FAM222A: variants seen among roughly 807,000 people sequenced by gnomAD.
FAM222A encodes the protein family with sequence similarity 222 member A.
A neutral mutation model predicts 25.8 loss-of-function variants in FAM222A; 7 were observed. That is an observed-to-expected ratio of 0.27 (90% CI 0.15 to 0.51). The LOEUF (loss-of-function observed/expected upper bound fraction) is 0.51, where lower values mean the gene tolerates loss of function less well. Among genes scored for constraint, FAM222A ranks in the 20% least tolerant of loss-of-function variants. FAM222A has a pLI of 0.97. For synonymous variants in FAM222A, 294 were observed against 298.8 expected, an observed-to-expected ratio of 0.98 and a Z score of 0.17; for missense variants, 573 against 640.5, an observed-to-expected ratio of 0.89 and a Z score of 1.14.
At chr12:109,740,499 G>A (rs1888210228) in intron 1 of FAM222A, among the ~76,000 whole-genome samples, 1 of 152,148 alleles carries the variant, frequency 6.6e-6, no homozygotes, top group Admixed American at 6.5e-5. Context: ...ATGAGTCCAG[G>A]CGGGGACTCT....
chr12:109,768,654 T>C lies in FAM222A; in HGVS notation c.725T>C (p.Met242Thr), dbSNP rs766634785. The C allele has an allele frequency of 3.8e-6, 6 of 1,599,794 alleles. No homozygotes were observed. In the African/African-American group the frequency reaches 4.0e-5, roughly 11 times the overall value. ...GGCCCAGTGCCCAGCTTCCCCAGCA[T>C]GGCCTACTCGGCTGCAGCCGGTCTG... ...KHGPVPSFPS[M>T]AYSAAAGLPD... The change falls in exon 3 of 3, where the codon ATG becomes ACG. Residue 242 changes from methionine (M) to threonine (T), a missense_variant. Around this residue, in one of 3 missense-constraint regions of FAM222A, gnomAD observed 412 missense variants for 407.0 expected, o/e 1.01. Coordinates refer to ENST00000538780, the MANE Select transcript of FAM222A (RefSeq NM_032829.3).
chr12:109,719,426 G>A (rs933124276), intron 1 of FAM222A, among the ~76,000 whole-genome samples: 2 of 152,186 alleles, frequency 1.3e-5, no homozygotes, highest in Non-Finnish European at 2.9e-5. Context: ...GTAAAACCAG[G>A]CTTTAGGTAA....
chr12:109,719,901 G>A (rs1005515995), intron 1 of FAM222A, among the ~76,000 whole-genome samples: 41 of 152,208 alleles, frequency 2.7e-4, no homozygotes, highest in African/African-American at 9.2e-4. Context: ...CAGAGAGCTT[G>A]GGAGTCGCAG....
At chr12:109,719,918 G>A (rs1177767759) in intron 1 of FAM222A, among the ~76,000 whole-genome samples, 1 of 152,270 alleles carries the variant, frequency 6.6e-6, no homozygotes, top group Admixed American at 6.5e-5. Flanking sequence ...GCAGACCTGG[G>A]CTGAAACCCG....
At chr12:109,766,223 C>T (rs576460849) in intron 2 of FAM222A, among the ~76,000 whole-genome samples, 42 of 152,338 alleles carry the variant, frequency 2.8e-4, no homozygotes, top group African/African-American at 9.4e-4. Flanking sequence ...CCTCATGGAA[C>T]TCCACCACCA....
Position 109,744,119 on chromosome 12 carries a change from C to T in FAM222A, c.-28C>T, listed in dbSNP as rs1888321212. On this transcript the variant is annotated 5_prime_UTR_variant, in exon 2 of 3. Coordinates refer to ENST00000538780, the MANE Select transcript of FAM222A (RefSeq NM_032829.3). ...CCTGCAGGGACCCAGTCGCAGAGCG[C>T]ACCCCACTGGGGACCCCCAGCTCAG... 3 of 1,609,410 alleles carry T rather than the reference C, an allele frequency of 1.9e-6. No homozygotes were observed. Among genetic ancestry groups the T allele is most frequent in the African/African-American group, 1.3e-5 (1 of 74,994 alleles).
At position 109,768,549 on chromosome 12, in the gene FAM222A, A is replaced by G. The variant is rs772052843; in HGVS notation, c.620A>G (p.Asn207Ser). ...ATCCACAGCCTCCTGTACCAGCTCAACCAGCAGTGCCAGGCCCCGGGCGCC... is the reference window on the plus strand; with the variant it reads ...ATCCACAGCCTCCTGTACCAGCTCAGCCAGCAGTGCCAGGCCCCGGGCGCC... ...PSIHSLLYQL[N>S]QQCQAPGAAP... Residue 207 changes from asparagine (N) to serine (S), a missense_variant, in exon 3 of 3, where the codon AAC (asparagine) becomes AGC (serine). Coordinates refer to ENST00000538780, the MANE Select transcript of FAM222A (RefSeq NM_032829.3). The G allele has an allele frequency of 1.9e-6, 3 of 1,602,868 alleles. No individual in the cohort carries two copies. Among genetic ancestry groups the G allele is most frequent in the South Asian group, 2.2e-5 (2 of 90,766 alleles).
chr12:109,762,154 C>T lies in FAM222A; in HGVS notation c.83-5858C>T, dbSNP rs78047052. Among the ~76,000 whole-genome samples the T allele has an allele frequency of 6.5e-3, 991 of 152,344 alleles. 55 individuals carry two copies. The East Asian group carries it at 0.15, about 24-fold the overall frequency. On this transcript the variant is annotated intron_variant, in intron 2 of 2. Coordinates refer to ENST00000538780, the MANE Select transcript of FAM222A (RefSeq NM_032829.3). ...CGCTGCATCTTGCCACTCATAGTCC[C>T]ATGCCCTGCTGTTCTGGTTACTGTA...
chr12:109,725,269 T>A (rs1466416774), intron 1 of FAM222A, among the ~76,000 whole-genome samples: 1 of 152,150 alleles, frequency 6.6e-6, no homozygotes, highest in Non-Finnish European at 1.5e-5. Context: ...AGGCCCTCCC[T>A]GAATCCTCAC....
chr12:109,759,279 A>ACGCC (rs1888820951), intron 2 of FAM222A, among the ~76,000 whole-genome samples: 1 of 151,998 alleles, frequency 6.6e-6, no homozygotes, highest in South Asian at 2.1e-4. Context: ...TGAAGAACAC[A>ACGCC]TGCCTCTCCC....
At chr12:109,749,034 A>G (rs576797704) in intron 2 of FAM222A, among the ~76,000 whole-genome samples, 1 of 152,236 alleles carries the variant, frequency 6.6e-6, no homozygotes, top group South Asian at 2.1e-4. Context: ...AGATATTTTA[A>G]ATTTTTAACC....
At chr12:109,727,642 T>C (rs1008284718) in intron 1 of FAM222A, among the ~76,000 whole-genome samples, 2 of 152,144 alleles carry the variant, frequency 1.3e-5, no homozygotes, top group African/African-American at 4.8e-5. Flanking sequence ...ACAGGCAACT[T>C]GCCACGCTGG....
chr12:109,762,083 T>A (rs1310883879), intron 2 of FAM222A, among the ~76,000 whole-genome samples: 2 of 152,164 alleles, frequency 1.3e-5, no homozygotes, highest in African/African-American at 4.8e-5. Context: ...AAAGCCACAT[T>A]ATCAGAGGAG....
chr12:109,745,153 T>A (rs905056804), intron 2 of FAM222A, among the ~76,000 whole-genome samples: 1 of 152,054 alleles, frequency 6.6e-6, no homozygotes, highest in African/African-American at 2.4e-5. Context: ...GCAGAGGGGG[T>A]CCATGTCGTC....
intron 2 of FAM222A, among the ~76,000 whole-genome samples, chr12:109,755,474 A>G (rs1888699261): frequency 6.6e-6 from 1 of 151,358 alleles, no homozygotes; most frequent in South Asian, 2.1e-4. Flanking sequence ...GATTGCAGGC[A>G]TGCGCCACCA....
rs1889134726 is a variant in FAM222A at position 109,768,576 on chromosome 12, C to T, written c.647C>T (p.Ala216Val). 6 of 1,601,810 alleles carry T rather than the reference C, an allele frequency of 3.7e-6. No homozygotes were observed. The highest frequency in any genetic ancestry group is 5.1e-6 in the Non-Finnish European group (6 of 1,175,988). ...CAGCAGTGCCAGGCCCCGGGCGCCG[C>T]ACCCCCTGCCTGCCAGGGCATGGCT... ...LNQQCQAPGA[A>V]PPACQGMAIP... The change falls in exon 3 of 3, where the codon GCA (alanine) becomes GTA (valine). Residue 216 changes from alanine (A) to valine (V), a missense_variant. By Grantham distance (64) the Ala-to-Val change is moderately conservative (BLOSUM62 0). This residue lies in a region of FAM222A where 412 missense variants were observed against 407.0 expected (regional missense o/e 1.01). Transcript: ENST00000538780.
At chr12:109,758,129 G>A (rs183068768) in intron 2 of FAM222A, among the ~76,000 whole-genome samples, 2 of 152,298 alleles carry the variant, frequency 1.3e-5, no homozygotes, top group Admixed American at 1.3e-4. Flanking sequence ...ATGTGTGCCC[G>A]GAGCACCTGA....
intron 1 of FAM222A, among the ~76,000 whole-genome samples, chr12:109,718,551 C>A (rs150780008): frequency 6.6e-6 from 1 of 152,346 alleles, no homozygotes; most frequent in African/African-American, 2.4e-5. Context: ...TATTACCTCC[C>A]GCGGGCCGGG....
At chr12:109,733,550 C>T (rs1370791531) in intron 1 of FAM222A, among the ~76,000 whole-genome samples, 1 of 152,078 alleles carries the variant, frequency 6.6e-6, no homozygotes, top group Non-Finnish European at 1.5e-5. Context: ...ACTACAGGCA[C>T]ACGCCACCAC....
Sources: allele counts gnomAD v4.1 joint callset (sites outside exome capture counted in the v4.1 genomes callset), GRCh38; gene constraint gnomAD v4.1.1; regional missense constraint gnomAD v4.1.1; transcripts MANE v1.5; gene names NCBI Gene and HGNC (gene_info 2026-07-23, HGNC 2026-07-21).